Variants in NUP153 observed in about 807,000 individuals in gnomAD.
NUP153 encodes the protein nuclear pore complex protein Nup153.
A neutral mutation model predicts 134.6 loss-of-function variants in NUP153; 27 were observed. That is an observed-to-expected ratio of 0.20 (90% CI 0.15 to 0.28). The LOEUF is 0.28. Among genes scored for constraint, NUP153 ranks in the 10% least tolerant of loss-of-function variants. The pLI is 1.00. For missense variants in NUP153, 1,821 were observed against 1,731.3 expected (o/e 1.05, Z -0.92); for synonymous variants, 640 against 623.5 (o/e 1.03, Z -0.40).
intron 5 of NUP153, among the ~76,000 whole-genome samples, chr6:17,670,747 G>A (rs900218018): frequency 2.6e-5 from 4 of 152,042 alleles, no homozygotes; most frequent in African/African-American, 9.7e-5. Flanking sequence ...AATATTTTAT[G>A]TATCTATAGA....
chr6:17,645,978 A>T (rs1349318859), intron 14 of NUP153, 89 bp downstream of exon 14: 6 of 502,810 alleles, frequency 1.2e-5, no homozygotes, highest in African/African-American at 4.0e-5. Flanking sequence ...GAAGGCATTT[A>T]TAAGAATTAC....
chr6:17,646,230 C>T (rs1018558071), intron 13 of NUP153, 76 bp from the exon 14 acceptor site: 26 of 733,452 alleles, frequency 3.5e-5, no homozygotes, highest in African/African-American at 1.3e-4. Flanking sequence ...TCCCCCGAGA[C>T]GGAGTCTTAC....
chr6:17,700,512 T>C (rs1453364086), intron 1 of NUP153, among the ~76,000 whole-genome samples: 1 of 152,166 alleles, frequency 6.6e-6, no homozygotes, highest in East Asian at 1.9e-4. Context: ...GCATCTAGGA[T>C]AAAGCAAATA....
chr6:17,638,236 C>T lies in NUP153; in HGVS notation c.1847-466G>A, dbSNP rs553577460. Among the ~76,000 whole-genome samples, 2 of 152,134 alleles carry T rather than the reference C, an allele frequency of 1.3e-5. No homozygotes were observed. Among genetic ancestry groups the T allele is most frequent in the Non-Finnish European group, 2.9e-5 (2 of 68,016 alleles). ...AACCTACTGCTGTGGTATTCTCTAC[C>T]TTCAGTAAAATCAGCTGAGCAAGTC... On this transcript the variant is annotated intron_variant, in intron 15 of 21. Coordinates refer to ENST00000262077, the MANE Select transcript of NUP153 (RefSeq NM_005124.4). This position sits in a 1 kb window ranked among gnomAD's most constrained non-coding sequence, Gnocchi z 4.0.
At chr6:17,669,358 A>G (rs775258880) in intron 6 of NUP153, 21 bp from the exon 7 acceptor site, 2 of 1,606,212 alleles carry the variant, frequency 1.2e-6, no homozygotes, top group Non-Finnish European at 1.7e-6. Context: ...TGAAAAAATA[A>G]CAAAATTAAG....
In NUP153 at chr6:17,629,150, A is replaced by T. The variant is rs138480194; in HGVS notation, c.3049T>A (p.Ser1017Thr). ...CCAAAGCTAAAACCTGCAGAGGAAG[A>T]TTTGGGCAGTTCCTCTTTCTTTTCT... ...QEEKKEELPKSSSAGFSFGTG... is the reference protein window; with the variant it reads ...QEEKKEELPKTSSAGFSFGTG... Residue 1017 changes from serine to threonine, a missense_variant, in exon 18 of 22, where the codon TCT (serine) becomes ACT (threonine). Physicochemically the swap from Ser to Thr is moderately conservative, Grantham distance 58. Coordinates refer to ENST00000262077, the MANE Select transcript of NUP153 (RefSeq NM_005124.4). The T allele has an allele frequency of 4.3e-6, 7 of 1,613,290 alleles. No homozygotes were observed. The African/African-American group carries it at 9.4e-5, about 22-fold the overall frequency.
At chr6:17,697,804 G>C (rs1258943415) in intron 1 of NUP153, among the ~76,000 whole-genome samples, 8 of 152,152 alleles carry the variant, frequency 5.3e-5, no homozygotes, top group Admixed American at 5.2e-4. Context: ...GAAACAGCTG[G>C]GGTGGGGGAA....
chr6:17,616,404 T>C, intron 21 of NUP153, 123 bp downstream of exon 21: 1 of 917,558 alleles, frequency 1.1e-6, no homozygotes. Context: ...TAAATTTATG[T>C]TGGAGAACAT....
Position 17,637,185 on chromosome 6 carries a change from T to A in NUP153, c.2432A>T (p.Asn811Ile). The A allele has an allele frequency of 7.4e-6, 12 of 1,613,714 alleles. No homozygotes were observed. Among genetic ancestry groups the A allele is most frequent in the Non-Finnish European group, 1.0e-5 (12 of 1,179,608 alleles). The part of the protein sequence containing the change: ...VCCVSNNAED[N>I]KCVSCMSEKP... ...CTCAGACATACAGGACACACACTTA[T>A]TGTCTTCTGCATTATTAGAAACACA... The change falls in exon 16 of 22, where the codon AAT becomes ATT. Residue 811 changes from asparagine to isoleucine, a missense_variant. Transcript: ENST00000262077.
chr6:17,687,694 T>C (rs940210375), intron 2 of NUP153, among the ~76,000 whole-genome samples: 5 of 152,136 alleles, frequency 3.3e-5, no homozygotes, highest in African/African-American at 7.2e-5. Flanking sequence ...GACTTTAACA[T>C]AGGGCTACAA....
intron 20 of NUP153, among the ~76,000 whole-genome samples, chr6:17,620,798 T>A (rs964640937): frequency 1.4e-4 from 21 of 152,208 alleles, no homozygotes; most frequent in African/African-American, 4.8e-4. Context: ...AGGACCCCCC[T>A]GGCCTAGGCA....
At chr6:17,655,283 A>G (rs1038303881) in intron 11 of NUP153, among the ~76,000 whole-genome samples, 3 of 152,166 alleles carry the variant, frequency 2.0e-5, no homozygotes, top group Non-Finnish European at 2.9e-5. Flanking sequence ...ATAGAGTTCT[A>G]TTAACCTGAA....
rs76656502 is a variant in NUP153 at position 17,639,655 on chromosome 6, T to C, written c.1846+284A>G. Among the ~76,000 whole-genome samples the C allele has an allele frequency of 5.2e-3, 798 of 152,326 alleles. 18 individuals carry two copies. Among genetic ancestry groups the C allele is most frequent in the Admixed American group, 0.04 (613 of 15,292 alleles). ...TAAGAGAAAGACATGTCTATGTGTA[T>C]CATCAGGTTTACTTACTCTTATTCC... On this transcript the variant is annotated intron_variant, in intron 15 of 21. Coordinates refer to ENST00000262077, the MANE Select transcript of NUP153 (RefSeq NM_005124.4).
rs1371741693 is a variant in NUP153, at chr6:17,701,499, TAAAAATAC to T, written c.111+4770_111+4777del. On this transcript the variant is annotated intron_variant, in intron 1 of 21. Coordinates refer to ENST00000262077, the MANE Select transcript of NUP153 (RefSeq NM_005124.4). The stretch of plus-strand genomic sequence containing the variant: ...CAAGATGGTGAAACCCTGTCTCTAC[TAAAAATAC>T]AAAAATTAGCTGGGCGTGGTGGCAC... 3.3e-5 allele frequency among the ~76,000 whole-genome samples: 5 copies of T among 151,474 alleles called. No individual in the cohort carries two copies. The East Asian group carries it at 9.8e-4, about 30-fold the overall frequency.
intron 12 of NUP153, 27 bp downstream of exon 12, chr6:17,649,136 A>G: frequency 6.4e-7 from 1 of 1,568,872 alleles, no homozygotes; most frequent in African/African-American, 1.4e-5. Context: ...AACAAATGTC[A>G]CCTGTATTTA....
chr6:17,649,201 G>C lies in NUP153; in HGVS notation c.1495C>G (p.Pro499Ala). The C allele has an allele frequency of 6.2e-7, 1 of 1,613,906 alleles. No individual in the cohort carries two copies. The highest frequency in any genetic ancestry group is 8.5e-7 in the Non-Finnish European group (1 of 1,179,892). The part of the protein sequence containing the change: ...FSSPEITTSS[P>A]SPINSSQALT... ...GCTTGAGACGAATTGATGGGTGATG[G>C]AGAGGAAGTTGTGATCTCAGGGGAA... Residue 499 changes from proline to alanine, a missense_variant, in exon 12 of 22, where the codon CCA (proline) becomes GCA (alanine). Physicochemically the swap from Pro to Ala is conservative, Grantham distance 27. Coordinates refer to ENST00000262077, the MANE Select transcript of NUP153 (RefSeq NM_005124.4).
chr6:17,669,148 G>C, intron 7 of NUP153, 120 bp from the exon 8 acceptor site: 1 of 972,196 alleles, frequency 1.0e-6, no homozygotes, highest in South Asian at 1.6e-5. Flanking sequence ...GCGCGATCTT[G>C]ACTCACTGCA....
In NUP153 at chr6:17,680,678, T is replaced by C. The variant is rs974675966; in HGVS notation, c.335-4908A>G. On this transcript the variant is annotated intron_variant, in intron 2 of 21. Coordinates refer to ENST00000262077, the MANE Select transcript of NUP153 (RefSeq NM_005124.4). The surrounding 1 kb of genome is among the most constrained non-coding windows in gnomAD (Gnocchi z 4.5). Reference sequence around the variant, plus strand: ...TCAACCTACAGGATGGGAGAAAATATCCACAAATTATATATGTGATAAGGG... The same window carrying C: ...TCAACCTACAGGATGGGAGAAAATACCCACAAATTATATATGTGATAAGGG... Among the ~76,000 whole-genome samples, 2 of 152,242 alleles carry C rather than the reference T, an allele frequency of 1.3e-5. No homozygotes were observed. The highest frequency in any genetic ancestry group is 2.1e-4 in the South Asian group (1 of 4,830).
At chr6:17,616,383 TTATAG>T in intron 21 of NUP153, 139 bp downstream of exon 21, 1 of 836,276 alleles carries the variant, frequency 1.2e-6, no homozygotes, top group South Asian at 1.9e-5. Context: ...TCCTCCAGAA[TTATAG>T]TATGGTAAAT....
Sources: allele counts gnomAD v4.1 joint callset (sites outside exome capture counted in the v4.1 genomes callset), GRCh38; gene constraint gnomAD v4.1.1; non-coding constraint Gnocchi (gnomAD v3.1); transcripts MANE v1.5; gene names NCBI Gene and HGNC (gene_info 2026-07-23, HGNC 2026-07-21).